Variants in ELMO1 observed in about 807,000 individuals in gnomAD.
ELMO1 encodes the protein engulfment and cell motility protein 1.
Under a neutral mutation model 98.9 loss-of-function variants are expected in ELMO1, and 26 were observed. The observed-to-expected ratio is 0.26, with a 90% CI of 0.19 to 0.36. The LOEUF is 0.36. Ranked by LOEUF, ELMO1 falls within the 10% of genes least tolerant of loss-of-function variation. The pLI is 1.00. For synonymous variants in ELMO1, 346 were observed against 346.0 expected (o/e 1.00, Z 0.00); for missense variants, 627 against 935.2 (o/e 0.67, Z 4.30).
chr7:37,096,511 C>T (rs751694897), intron 15 of ELMO1, 108 bp downstream of exon 15: 10 of 865,890 alleles, frequency 1.2e-5, no homozygotes, highest in African/African-American at 8.3e-5. Context: ...CAGTGATGAC[C>T]GTAAGAAGCT....
chr7:37,315,027 A>T, intron 3 of ELMO1, 105 bp from the exon 4 acceptor site: 2 of 950,202 alleles, frequency 2.1e-6, no homozygotes, highest in Non-Finnish European at 3.2e-6. Flanking sequence ...TTGGAATTGG[A>T]CCAATCCCAA....
At chr7:36,866,834 T>C (rs1766385915) in intron 20 of ELMO1, among the ~76,000 whole-genome samples, 1 of 152,066 alleles carries the variant, frequency 6.6e-6, no homozygotes, top group Non-Finnish European at 1.5e-5. Context: ...AGGCTGCAGG[T>C]CCCCTTTTCC....
intron 20 of ELMO1, among the ~76,000 whole-genome samples, chr7:36,862,805 T>C (rs758901081): frequency 6.6e-6 from 1 of 152,216 alleles, no homozygotes; most frequent in Non-Finnish European, 1.5e-5. Context: ...TGCTCAGTAA[T>C]TGCCCACAAA....
At chr7:37,073,388 G>A (rs1797384042) in intron 15 of ELMO1, among the ~76,000 whole-genome samples, 1 of 152,162 alleles carries the variant, frequency 6.6e-6, no homozygotes, top group Admixed American at 6.5e-5. Flanking sequence ...TGCAGATAAT[G>A]TGAGGATACA....
intron 13 of ELMO1, among the ~76,000 whole-genome samples, chr7:37,178,316 G>A (rs886815550): frequency 6.6e-5 from 10 of 151,718 alleles, no homozygotes; most frequent in African/African-American, 2.4e-4. Flanking sequence ...GATCTTGTAA[G>A]ACTTATTCAC....
chr7:37,335,121 G>A (rs901959173), intron 2 of ELMO1, among the ~76,000 whole-genome samples: 4 of 152,078 alleles, frequency 2.6e-5, no homozygotes, highest in Admixed American at 1.3e-4. Flanking sequence ...TGTAAATTAC[G>A]TTACGTGTGA....
intron 15 of ELMO1, among the ~76,000 whole-genome samples, chr7:37,038,655 C>G (rs1449206446): frequency 6.6e-6 from 1 of 152,166 alleles, no homozygotes; most frequent in Non-Finnish European, 1.5e-5. Context: ...ATTACTCTTC[C>G]AAACTTAGTG....
chr7:37,205,926 C>T (rs1792589806), intron 13 of ELMO1, among the ~76,000 whole-genome samples: 1 of 152,144 alleles, frequency 6.6e-6, no homozygotes, highest in Non-Finnish European at 1.5e-5. Flanking sequence ...TTCCCTCACT[C>T]CAAAAGGCAA....
intron 13 of ELMO1, among the ~76,000 whole-genome samples, chr7:37,198,272 C>T (rs1792087769): frequency 1.3e-5 from 2 of 152,360 alleles, no homozygotes; most frequent in South Asian, 4.1e-4. Flanking sequence ...TGTATTTCTA[C>T]TCTCAGACCC....
chr7:37,257,145 A>G (rs896358158), intron 6 of ELMO1, among the ~76,000 whole-genome samples: 12 of 152,214 alleles, frequency 7.9e-5, no homozygotes, highest in African/African-American at 2.9e-4. Flanking sequence ...CTCCACCAAC[A>G]TAAGAGCTGG....
At chr7:37,120,545 G>C (rs1182435499) in intron 14 of ELMO1, among the ~76,000 whole-genome samples, 1 of 152,212 alleles carries the variant, frequency 6.6e-6, no homozygotes, top group African/African-American at 2.4e-5. Context: ...AGCAGTCTGA[G>C]ATCAAACTTC....
At chr7:37,073,030 T>C (rs1797365794) in intron 15 of ELMO1, among the ~76,000 whole-genome samples, 1 of 152,206 alleles carries the variant, frequency 6.6e-6, no homozygotes, top group Non-Finnish European at 1.5e-5. Flanking sequence ...TCTATCTAAG[T>C]AACTATACAT....
chr7:37,005,107 CAAAAAAAAAAA>C (rs35665315), intron 16 of ELMO1, among the ~76,000 whole-genome samples: 2 of 38,292 alleles, frequency 5.2e-5, no homozygotes, highest in African/African-American at 1.4e-4. Flanking sequence ...GGCTCTGTCT[CAAAAAAAAAAA>C]AAAAAAAAAA....
At chr7:36,976,674 G>A (rs1201648159) in intron 16 of ELMO1, among the ~76,000 whole-genome samples, 3 of 152,180 alleles carry the variant, frequency 2.0e-5, no homozygotes, top group Non-Finnish European at 4.4e-5. Context: ...TGATGGAGGT[G>A]AGCAGGGGCC....
At chr7:36,930,055 C>G (rs1785912248) in intron 16 of ELMO1, among the ~76,000 whole-genome samples, 1 of 152,148 alleles carries the variant, frequency 6.6e-6, no homozygotes, top group Non-Finnish European at 1.5e-5. Context: ...CTGGTCAACG[C>G]AAATCAAAGA....
intron 14 of ELMO1, among the ~76,000 whole-genome samples, chr7:37,126,977 C>A (rs887478545): frequency 6.6e-6 from 1 of 152,102 alleles, no homozygotes; most frequent in Admixed American, 6.6e-5. Flanking sequence ...TGCATGCATT[C>A]GGATTTTATT....
intron 1 of ELMO1, among the ~76,000 whole-genome samples, chr7:37,446,159 G>A (rs1805604111): frequency 6.6e-6 from 1 of 152,182 alleles, no homozygotes; most frequent in Non-Finnish European, 1.5e-5. Context: ...TATTTCCCTG[G>A]TGGATCTCTC....
intron 19 of ELMO1, among the ~76,000 whole-genome samples, chr7:36,876,366 T>C (rs987193826): frequency 1.9e-4 from 29 of 151,872 alleles, no homozygotes; most frequent in African/African-American, 6.3e-4. Context: ...AGGGTTGTGA[T>C]ATTAAACTTT....
At position 36,978,694 on chromosome 7, in the gene ELMO1, C is replaced by T. The variant is rs1310220607; in HGVS notation, c.1437+34605G>A. Among the ~76,000 whole-genome samples the T allele has an allele frequency of 2.6e-5, 4 of 152,250 alleles. No individual in the cohort carries two copies. The East Asian group carries it at 5.8e-4, about 22-fold the overall frequency. On this transcript the variant is annotated intron_variant, in intron 16 of 21. Transcript: ENST00000310758. The stretch of plus-strand genomic sequence containing the variant: ...GGCAGGTCACAGCCTTCTTGAATGC[C>T]GCCAGGCATCTCCCTAGAAGCACAA...
Sources: gnomAD v4.1 joint callset for allele counts (sites outside exome capture counted in the v4.1 genomes callset) on GRCh38, gnomAD v4.1.1 for gene constraint, MANE v1.5 for transcripts, NCBI Gene and HGNC (gene_info 2026-07-23, HGNC 2026-07-21) for gene names.